Variants in REV3L observed in about 807,000 individuals in gnomAD.
REV3L encodes the protein DNA polymerase zeta catalytic subunit.
Under a neutral mutation model 299.4 loss-of-function variants are expected in REV3L, and 69 were observed. The ratio of observed to expected loss-of-function variants is 0.23; its 90% CI spans 0.19 to 0.28. The LOEUF is 0.28. Ranked by LOEUF, REV3L falls within the 10% of genes least tolerant of loss-of-function variation. REV3L has a pLI of 1.00. For missense variants in REV3L, 3,128 were observed against 3,693.8 expected (o/e 0.85, Z 3.97); for synonymous variants, 1,238 against 1,271.4 (o/e 0.97, Z 0.56).
intron 4 of REV3L, among the ~76,000 whole-genome samples, chr6:111,399,666 G>A (rs1782886289): frequency 6.6e-6 from 1 of 152,128 alleles, no homozygotes; most frequent in African/African-American, 2.4e-5. Context: ...TTTTTCTCAT[G>A]AGTAGACTGG....
At chr6:111,472,890 G>A (rs899596430) in intron 1 of REV3L, among the ~76,000 whole-genome samples, 1 of 152,040 alleles carries the variant, frequency 6.6e-6, no homozygotes, top group East Asian at 1.9e-4. Context: ...AATTTGTTTT[G>A]GTCTCAAAAT....
intron 18 of REV3L, among the ~76,000 whole-genome samples, chr6:111,352,183 T>A (rs879755036): frequency 6.6e-5 from 10 of 152,110 alleles, no homozygotes; most frequent in African/African-American, 2.4e-4. Flanking sequence ...ATTTTTTGTA[T>A]TTTTAGTAGA....
At chr6:111,469,433 G>T (rs756577076) in intron 1 of REV3L, among the ~76,000 whole-genome samples, 3 of 152,204 alleles carry the variant, frequency 2.0e-5, no homozygotes, top group Non-Finnish European at 4.4e-5. Context: ...ACGCTAGTTA[G>T]TGCATGTTTC....
chr6:111,341,819 G>T (rs1316939393), intron 21 of REV3L, among the ~76,000 whole-genome samples: 2 of 152,114 alleles, frequency 1.3e-5, no homozygotes, highest in Admixed American at 6.5e-5. Flanking sequence ...TCCCGAAAAC[G>T]AACAGGATGA....
chr6:111,480,971 G>A (rs185101288), intron 1 of REV3L, among the ~76,000 whole-genome samples: 15 of 151,432 alleles, frequency 9.9e-5, no homozygotes, highest in African/African-American at 3.4e-4. Context: ...TATTTTTTAA[G>A]GAACATTTCC....
At chr6:111,364,197 A>G (rs1778975872) in intron 15 of REV3L, among the ~76,000 whole-genome samples, 1 of 152,162 alleles carries the variant, frequency 6.6e-6, no homozygotes, top group Admixed American at 6.5e-5. Flanking sequence ...TAAGCAAACC[A>G]TATGTTATCT....
chr6:111,392,327 G>A (rs184926724), intron 5 of REV3L, among the ~76,000 whole-genome samples: 3 of 152,112 alleles, frequency 2.0e-5, no homozygotes, highest in Admixed American at 2.0e-4. Flanking sequence ...AAATGTATGA[G>A]TAAAAAATTT....
intron 1 of REV3L, among the ~76,000 whole-genome samples, chr6:111,457,660 G>A (rs1252605263): frequency 6.6e-6 from 1 of 151,226 alleles, no homozygotes; most frequent in East Asian, 1.9e-4. Context: ...AAAAAAACAA[G>A]TATTAAAAAA....
At chr6:111,308,389 A>AT (rs11448194) in intron 30 of REV3L, 160,744 of 349,702 alleles carry the variant, frequency 0.46, 41,008 homozygotes, top group Non-Finnish European at 0.54. Context: ...TTAGTAACAT[A>AT]TAGGTGGGCA....
chr6:111,373,767 G>C lies in REV3L; in HGVS notation c.4588C>G (p.Leu1530Val), dbSNP rs200926673. Reference sequence around the variant, plus strand: ...TGTCTTTTTTGTAACAATTCTTTTAGAACTGCCAGTCCAGACTGTCCTTCA... The same window carrying C: ...TGTCTTTTTTGTAACAATTCTTTTACAACTGCCAGTCCAGACTGTCCTTCA... Reference protein sequence around the residue: ...FGEGQSGLAVLKELLQKRQQK... With the variant: ...FGEGQSGLAVVKELLQKRQQK... Residue 1530 changes from leucine to valine, a missense_variant, in exon 13 of 32, where the codon CTA (leucine) becomes GTA (valine). Physicochemically the swap from Leu to Val is conservative, Grantham distance 32 (BLOSUM62 1). This residue lies in a region of REV3L where 2,409 missense variants were observed against 2,611.8 expected (regional missense o/e 0.92). Coordinates refer to ENST00000368802, the MANE Select transcript of REV3L (RefSeq NM_001372078.1). 12 of 1,613,850 alleles carry C rather than the reference G, an allele frequency of 7.4e-6. No individual in the cohort carries two copies. The highest frequency in any genetic ancestry group is 1.6e-4 in the Middle Eastern group (1 of 6,084).
chr6:111,367,084 T>C (rs756879350), intron 14 of REV3L, 31 bp downstream of exon 14: 1 of 1,478,490 alleles, frequency 6.8e-7, no homozygotes, highest in South Asian at 1.4e-5. Flanking sequence ...GAAGAACAAT[T>C]ATGGAGACTT....
In REV3L at chr6:111,331,800, A is replaced by T. The variant is rs1375595192; in HGVS notation, c.7926-16T>A. 2.0e-6 allele frequency: 3 copies of T among 1,491,650 alleles called. No individual in the cohort carries two copies. The South Asian group carries it at 3.5e-5, about 17-fold the overall frequency. 92.4% of individuals were successfully genotyped at this position (1,491,650 alleles called of 1,614,324 possible). On this transcript the variant is annotated splice_polypyrimidine_tract_variant and intron_variant, in intron 23 of 31. Transcript: ENST00000368802. ...CTCATCATACCTGTTAAGAAAGAGA[A>T]CATTAAGCAAATACTTCCTCAAATC...
At chr6:111,319,836 T>C (rs2114769196) in intron 26 of REV3L, among the ~76,000 whole-genome samples, 1 of 152,110 alleles carries the variant, frequency 6.6e-6, no homozygotes, top group African/African-American at 2.4e-5. Flanking sequence ...CTCCTTTTTT[T>C]TTTTTTCTCT....
At chr6:111,460,303 T>C (rs925836813) in intron 1 of REV3L, 2 of 152,052 alleles carry the variant, frequency 1.3e-5, no homozygotes, top group African/African-American at 2.4e-5. Context: ...AAACTACCTA[T>C]TGAGTACTAT....
At chr6:111,310,367 G>C in intron 29 of REV3L, 1 of 254,952 alleles carries the variant, frequency 3.9e-6, no homozygotes, top group Non-Finnish European at 7.2e-6. Flanking sequence ...ACTAGCTTAA[G>C]ATGTATTTTA....
chr6:111,390,094 T>C lies in REV3L; in HGVS notation c.749A>G (p.Asp250Gly). ...AVAADILNRL[D>G]IEAQIGGNPG... The stretch of plus-strand genomic sequence containing the variant: ...AATAATTGTGTATGAACCTTCAATG[T>C]CCAGACGATTTAAGATATCAGCAGC... The change falls in exon 6 of 32, where the codon GAC becomes GGC. Residue 250 changes from aspartate (D) to glycine (G), a missense_variant. By Grantham distance (94) the Asp-to-Gly change is moderately conservative. Transcript: ENST00000368802. 2 of 1,600,500 alleles carry C rather than the reference T, an allele frequency of 1.2e-6. No homozygotes were observed. The highest frequency in any genetic ancestry group is 2.7e-5 in the African/African-American group (2 of 74,748).
chr6:111,428,589 A>G (rs1786470963), intron 1 of REV3L, among the ~76,000 whole-genome samples: 1 of 152,166 alleles, frequency 6.6e-6, no homozygotes, highest in Non-Finnish European at 1.5e-5. Context: ...GAACTGAAAA[A>G]TTCATTAAAG....
At chr6:111,342,402 C>T (rs1776591584) in intron 21 of REV3L, among the ~76,000 whole-genome samples, 1 of 152,162 alleles carries the variant, frequency 6.6e-6, no homozygotes, top group African/African-American at 2.4e-5. Flanking sequence ...GGCACGGTGG[C>T]TCATGCCTGT....
intron 1 of REV3L, 61 bp downstream of exon 1, chr6:111,482,689 G>T: frequency 9.2e-7 from 1 of 1,081,414 alleles, no homozygotes. Flanking sequence ...TGCGCGGCGG[G>T]GAGGGCGGCC....
Sources: allele counts gnomAD v4.1 joint callset (sites outside exome capture counted in the v4.1 genomes callset), GRCh38; gene constraint gnomAD v4.1.1; regional missense constraint gnomAD v4.1.1; transcripts MANE v1.5; gene names NCBI Gene and HGNC (gene_info 2026-07-23, HGNC 2026-07-21).